PRH1: variants seen among roughly 807,000 people sequenced by gnomAD.
PRH1 encodes the protein proline rich protein HaeIII subfamily 1.
In PRH1, 7 loss-of-function variants were observed where a neutral mutation model predicts 7.9. That is an observed-to-expected ratio of 0.89 (90% CI 0.50 to 1.67). PRH1 has a LOEUF of 1.67. Ranked by LOEUF, PRH1 falls within the 40% of genes most tolerant of loss-of-function variation. The probability of loss-of-function intolerance (pLI) is 0.00; values close to 1 mark genes in which losing one functional copy is unlikely to be tolerated. For synonymous variants in PRH1, 45 were observed against 80.8 expected (o/e 0.56, Z 2.38); for missense variants, 109 against 223.6 (o/e 0.49, Z 3.27).
chr12:10,932,443 A>T (rs1333667895), intron 2 of PRH1: 1 of 195,730 alleles, frequency 5.1e-6, no homozygotes, highest in South Asian at 8.7e-5. Flanking sequence ...TTTCCTCCTT[A>T]TCCTTATTAA....
At chr12:10,923,519 A>G (rs981265957) in intron 2 of PRH1, among the ~76,000 whole-genome samples, 2 of 152,252 alleles carry the variant, frequency 1.3e-5, no homozygotes, top group Non-Finnish European at 2.9e-5. Flanking sequence ...ATTATTAGTT[A>G]TAATTCAGTT....
At chr12:11,055,008 C>G (rs1003559619) in intron 1 of PRH1, among the ~76,000 whole-genome samples, 6 of 12,008 alleles carry the variant, frequency 5.0e-4, no homozygotes, top group Non-Finnish European at 1.3e-3. Context: ...TTGCCTCAAC[C>G]TCCGGAGTAG....
chr12:11,137,427 A>T (rs185732820), intron 1 of PRH1, among the ~76,000 whole-genome samples: 18 of 152,198 alleles, frequency 1.2e-4, no homozygotes, highest in Admixed American at 1.1e-3. Context: ...TAACCTTCAA[A>T]CTCCATCATC....
intron 1 of PRH1, among the ~76,000 whole-genome samples, chr12:11,156,383 T>C (rs547336841): frequency 5.3e-5 from 8 of 152,166 alleles, no homozygotes; most frequent in East Asian, 1.9e-4. Context: ...CTCGAATGTA[T>C]GGATTGATAC....
At chr12:11,121,397 AT>A (rs1254363266) in intron 1 of PRH1, among the ~76,000 whole-genome samples, 4 of 126,060 alleles carry the variant, frequency 3.2e-5, no homozygotes, top group African/African-American at 1.1e-4. Flanking sequence ...GAATATTTGA[AT>A]TTTTTTGAGG....
At chr12:10,905,200 T>C (rs984113064) in intron 2 of PRH1, among the ~76,000 whole-genome samples, 9 of 152,090 alleles carry the variant, frequency 5.9e-5, no homozygotes, top group Non-Finnish European at 1.3e-4. Flanking sequence ...CGCCACACTT[T>C]TTTGGTCTAA....
chr12:10,923,084 T>C (rs1950073702), intron 2 of PRH1, among the ~76,000 whole-genome samples: 2 of 150,486 alleles, frequency 1.3e-5, no homozygotes, highest in South Asian at 2.1e-4. Flanking sequence ...CGCCTCGGCC[T>C]CCCAAAGTGC....
intron 1 of PRH1, among the ~76,000 whole-genome samples, chr12:11,084,331 T>C (rs1160868646): frequency 6.6e-6 from 1 of 151,154 alleles, no homozygotes; most frequent in African/African-American, 2.4e-5. Flanking sequence ...GATTGCTGTA[T>C]AGTATACTAT....
chr12:10,909,994 C>A (rs1283333660), intron 2 of PRH1, among the ~76,000 whole-genome samples: 1 of 152,144 alleles, frequency 6.6e-6, no homozygotes, highest in Non-Finnish European at 1.5e-5. Context: ...ATCCGCTTTT[C>A]CCCTCATATT....
chr12:10,929,793 T>TTA (rs1325744568), intron 2 of PRH1, among the ~76,000 whole-genome samples: 1 of 152,110 alleles, frequency 6.6e-6, no homozygotes, highest in African/African-American at 2.4e-5. Flanking sequence ...CTACATAGAG[T>TTA]TAGAGAATCA....
At chr12:11,041,073 A>ATAATAAAATGACAGAAG in intron 1 of PRH1, among the ~76,000 whole-genome samples, 1 of 152,184 alleles carries the variant, frequency 6.6e-6, no homozygotes, top group Non-Finnish European at 1.5e-5. Flanking sequence ...CAGAAAAGAA[A>ATAATAAAATGACAGAAG]TAATAAAATG....
intron 1 of PRH1, among the ~76,000 whole-genome samples, chr12:11,025,321 T>A (rs1387186168): frequency 6.6e-6 from 1 of 152,260 alleles, no homozygotes; most frequent in Non-Finnish European, 1.5e-5. Flanking sequence ...CATTTTCAAT[T>A]TCTGTTTATG....
chr12:11,053,811 C>T lies in PRH1; in HGVS notation n.124-6623G>A, dbSNP rs1016207223. 2.1e-5 allele frequency among the ~76,000 whole-genome samples: 3 copies of T among 140,498 alleles called. No homozygotes were observed. In the East Asian group the frequency reaches 6.6e-4, roughly 31 times the overall value. 92.2% of individuals were successfully genotyped at this position (140,498 alleles called of 152,430 possible). On this transcript the variant is annotated intron_variant and non_coding_transcript_variant, in intron 1 of 4. Coordinates refer to the PRH1 transcript ENST00000541977. ...AGAACACTATTATTCATCCTCATGG[C>T]TTTACATTTTGTGTGTGTGTGTGTG... is the stretch of plus-strand genomic sequence containing the variant.
At chr12:10,976,390 C>T (rs1348847612) in intron 1 of PRH1, among the ~76,000 whole-genome samples, 2 of 152,106 alleles carry the variant, frequency 1.3e-5, no homozygotes, top group Non-Finnish European at 2.9e-5. Flanking sequence ...AAAGATACAA[C>T]ATACCAGAAT....
At chr12:11,045,979 A>G (rs1175524931) in intron 1 of PRH1, among the ~76,000 whole-genome samples, 1 of 152,140 alleles carries the variant, frequency 6.6e-6, no homozygotes, top group Non-Finnish European at 1.5e-5. Flanking sequence ...TTGTAGACCA[A>G]TTCAAGCAAG....
chr12:11,069,938 T>C (rs1465465405), intron 1 of PRH1, among the ~76,000 whole-genome samples: 1 of 131,808 alleles, frequency 7.6e-6, no homozygotes, highest in Admixed American at 7.6e-5. Context: ...CTCAAAGACC[T>C]GCAGCCATTT....
chr12:11,155,190 A>T (rs1947215622), intron 1 of PRH1, among the ~76,000 whole-genome samples: 1 of 152,212 alleles, frequency 6.6e-6, no homozygotes, highest in East Asian at 1.9e-4. Flanking sequence ...TGCAAATAGG[A>T]GAAAAAGTAA....
rs531009437 is a variant in PRH1, at chr12:10,996,837, A to G, written c.-125-23116T>C. On this transcript the variant is annotated intron_variant, in intron 1 of 3. Coordinates refer to the PRH1 transcript ENST00000539853. ...AAGACTTTTCTATGTCAACTTTTGG[A>G]AATTACTCAAATACATAGACTACGG... 11 of 1,055,096 alleles carry G rather than the reference A, an allele frequency of 1.0e-5. No individual in the cohort carries two copies. The African/African-American group carries it at 1.7e-4, about 17-fold the overall frequency. The allele number at this position is 1,055,096 out of a possible 1,614,324, so 65.4% of individuals were successfully genotyped here.
chr12:11,087,513 T>C (rs760255300), intron 1 of PRH1, among the ~76,000 whole-genome samples: 3 of 116,142 alleles, frequency 2.6e-5, no homozygotes, highest in Non-Finnish European at 6.1e-5. Flanking sequence ...GAAATGGATA[T>C]GCATGGCAGC....
Sources: gnomAD v4.1 joint callset for allele counts (sites outside exome capture counted in the v4.1 genomes callset) on GRCh38, gnomAD v4.1.1 for gene constraint, MANE v1.5 for transcripts, NCBI Gene and HGNC (gene_info 2026-07-23, HGNC 2026-07-21) for gene names.